ASTN2: variants seen among roughly 807,000 people sequenced by gnomAD.
ASTN2 encodes astrotactin-2.
A neutral mutation model predicts 139.8 loss-of-function variants in ASTN2; 54 were observed. The observed-to-expected ratio is 0.39, with a 90% confidence interval of 0.31 to 0.48. ASTN2 has a LOEUF of 0.48. ASTN2 is among the 20% of genes least tolerant of loss of function. The probability of loss-of-function intolerance (pLI) is 0.95; values close to 1 mark genes in which losing one functional copy is unlikely to be tolerated. For synonymous variants in ASTN2, 756 were observed against 719.5 expected, an observed-to-expected ratio of 1.05 and a Z score of -0.81; for missense variants, 1,565 against 1,725.1, an observed-to-expected ratio of 0.91 and a Z score of 1.64.
At chr9:117,385,858 G>C (rs1830383286) in intron 1 of ASTN2, among the ~76,000 whole-genome samples, 1 of 152,180 alleles carries the variant, frequency 6.6e-6, no homozygotes, top group Non-Finnish European at 1.5e-5. Flanking sequence ...TCTGCACCTA[G>C]GAGTTATATT....
At chr9:116,729,202 G>C in intron 14 of ASTN2, 106 bp from the exon 15 acceptor site, 1 of 819,304 alleles carries the variant, frequency 1.2e-6, no homozygotes, top group East Asian at 2.7e-5. Flanking sequence ...CCTCTTTGAA[G>C]TACAACTTTC....
At chr9:116,660,360 G>A (rs1230095662) in intron 16 of ASTN2, among the ~76,000 whole-genome samples, 1 of 152,194 alleles carries the variant, frequency 6.6e-6, no homozygotes, top group Non-Finnish European at 1.5e-5. Context: ...TTACAGAGGG[G>A]CAGCTATAGC....
At chr9:116,916,961 C>T (rs1396046782) in intron 10 of ASTN2, among the ~76,000 whole-genome samples, 1 of 152,148 alleles carries the variant, frequency 6.6e-6, no homozygotes, top group Non-Finnish European at 1.5e-5. Context: ...ATTGTTCCAG[C>T]CATTGGGGCT....
intron 3 of ASTN2, among the ~76,000 whole-genome samples, chr9:117,203,706 G>C (rs180994629): frequency 6.6e-6 from 1 of 152,146 alleles, no homozygotes; most frequent in Admixed American, 6.5e-5. Context: ...GGAGTCTGGA[G>C]AGCAGCAAAG....
intron 2 of ASTN2, among the ~76,000 whole-genome samples, chr9:117,260,253 A>C (rs549875838): frequency 5.9e-5 from 9 of 152,304 alleles, no homozygotes; most frequent in African/African-American, 2.2e-4. Context: ...TATATACTGG[A>C]CTTTGAGTTC....
chr9:116,578,293 C>A (rs921046965), intron 19 of ASTN2, among the ~76,000 whole-genome samples: 1 of 152,054 alleles, frequency 6.6e-6, no homozygotes, highest in African/African-American at 2.4e-5. Context: ...GAAACTAAGT[C>A]CCCATCATTG....
intron 4 of ASTN2, among the ~76,000 whole-genome samples, chr9:117,096,823 G>A (rs1828851796): frequency 6.6e-6 from 1 of 152,174 alleles, no homozygotes; most frequent in African/African-American, 2.4e-5. Flanking sequence ...GGTCTTGAAG[G>A]ATGGATGGGC....
At chr9:116,526,768 G>T (rs1587939308) in intron 19 of ASTN2, among the ~76,000 whole-genome samples, 1 of 152,072 alleles carries the variant, frequency 6.6e-6, no homozygotes, top group African/African-American at 2.4e-5. Context: ...AGCTTCTGAT[G>T]AGCTCAGCCC....
chr9:117,275,449 A>G (rs759858305), intron 2 of ASTN2, among the ~76,000 whole-genome samples: 3 of 151,386 alleles, frequency 2.0e-5, no homozygotes, highest in African/African-American at 4.8e-5. Context: ...CACCAGCAGG[A>G]TTGGTTTCTG....
At position 117,291,495 on chromosome 9, in the gene ASTN2, G is replaced by A. The variant is rs149757205; in HGVS notation, c.461C>T (p.Ala154Val). 2.2e-4 allele frequency: 351 copies of A among 1,608,486 alleles called. No homozygotes were observed. Among genetic ancestry groups the A allele is most frequent in the Non-Finnish European group, 2.8e-4 (328 of 1,177,206 alleles). The change falls in exon 2 of 23, where the codon GCG (alanine) becomes GTG (valine). Residue 154 changes from alanine to valine, a missense_variant. Physicochemically the swap from Ala to Val is moderately conservative, Grantham distance 64. Around this residue, in one of 4 missense-constraint regions of ASTN2, gnomAD observed 596 missense variants for 576.8 expected, o/e 1.03. Transcript: ENST00000313400. The part of the protein sequence containing the change: ...FFTLEMSGTA[A>V]DISLVHWRQQ... ...TCTCCAGTGCACCAGCGAGATGTCC[G>A]CTGCTGTGCCAGACATCTCTGCAAG...
chr9:116,731,818 T>G (rs1408815394), intron 14 of ASTN2, among the ~76,000 whole-genome samples: 1 of 152,186 alleles, frequency 6.6e-6, no homozygotes, highest in Non-Finnish European at 1.5e-5. Flanking sequence ...GGCCTTTCCA[T>G]TAAAGCACAG....
intron 1 of ASTN2, among the ~76,000 whole-genome samples, chr9:117,341,558 C>G (rs1257121156): frequency 1.3e-5 from 2 of 152,304 alleles, no homozygotes; most frequent in Non-Finnish European, 2.9e-5. Context: ...GTATTCCAAA[C>G]AGCAGTGACA....
At chr9:116,484,383 C>T (rs756068845) in intron 20 of ASTN2, among the ~76,000 whole-genome samples, 2 of 152,200 alleles carry the variant, frequency 1.3e-5, no homozygotes, top group African/African-American at 2.4e-5. Context: ...AGGTTATGAG[C>T]ATGAGGCAGT....
chr9:117,113,490 C>T (rs13283157), intron 4 of ASTN2, among the ~76,000 whole-genome samples: 59,153 of 151,896 alleles, frequency 0.39, 12,157 homozygotes, highest in Non-Finnish European at 0.46. Flanking sequence ...ACCCCGTCTC[C>T]ACTAAATATA....
At chr9:117,204,105 C>G (rs140058912) in intron 3 of ASTN2, among the ~76,000 whole-genome samples, 167 of 152,316 alleles carry the variant, frequency 1.1e-3, no homozygotes, top group African/African-American at 3.8e-3. Flanking sequence ...AAGGATGGGT[C>G]AGGGTTACAC....
At chr9:117,239,474 C>T (rs116684365) in intron 2 of ASTN2, among the ~76,000 whole-genome samples, 1,723 of 152,246 alleles carry the variant, frequency 0.011, 47 homozygotes, top group African/African-American at 0.04. Context: ...CCACTGTTGT[C>T]GGGGCAGCAA....
intron 16 of ASTN2, chr9:116,687,378 T>G (rs1588199432): frequency 3.9e-6 from 1 of 256,556 alleles, no homozygotes; most frequent in Non-Finnish European, 5.9e-6. Context: ...CCGCGGGCGG[T>G]CAGGTAGGGG....
chr9:116,666,913 T>G (rs1858894946), intron 16 of ASTN2, among the ~76,000 whole-genome samples: 1 of 151,318 alleles, frequency 6.6e-6, no homozygotes, highest in East Asian at 1.9e-4. Flanking sequence ...ATAGACATTT[T>G]GATCCATATT....
chr9:116,681,446 T>G (rs1034052862), intron 16 of ASTN2, among the ~76,000 whole-genome samples: 1 of 152,196 alleles, frequency 6.6e-6, no homozygotes, highest in African/African-American at 2.4e-5. Context: ...ATGGCCATAC[T>G]GCCCAAGGTA....
Sources: gnomAD v4.1 joint callset for allele counts (sites outside exome capture counted in the v4.1 genomes callset) on GRCh38, gnomAD v4.1.1 for gene constraint, gnomAD v4.1.1 regional missense constraint, MANE v1.5 for transcripts, NCBI Gene and HGNC (gene_info 2026-07-23, HGNC 2026-07-21) for gene names.